ATP6V0A2: variants seen among roughly 807,000 people sequenced by gnomAD.
ATP6V0A2 encodes the protein V-type proton ATPase 116 kDa subunit a 2.
Under a neutral mutation model 104.4 loss-of-function variants are expected in ATP6V0A2, and 58 were observed. The observed-to-expected ratio is 0.56, with a 90% CI of 0.45 to 0.69. ATP6V0A2 has a LOEUF of 0.69. Ranked by LOEUF, ATP6V0A2 falls within the 30% of genes least tolerant of loss-of-function variation. The pLI is 0.00. For missense variants in ATP6V0A2, 938 were observed against 1,062.9 expected (o/e 0.88, Z 1.63); for synonymous variants, 376 against 397.9 (o/e 0.95, Z 0.65).
At chr12:123,738,741 A>G (rs1233314166) in intron 9 of ATP6V0A2, among the ~76,000 whole-genome samples, 1 of 152,218 alleles carries the variant, frequency 6.6e-6, no homozygotes, top group Admixed American at 6.5e-5. Flanking sequence ...TTTTTCTTCT[A>G]CATTAAACTC....
intron 1 of ATP6V0A2, 91 bp downstream of exon 1, chr12:123,712,773 A>G: frequency 2.7e-6 from 3 of 1,102,760 alleles, no homozygotes; most frequent in Non-Finnish European, 2.7e-6. Flanking sequence ...GGGAGCACCG[A>G]GGAAGGGCGC....
Position 123,728,507 on chromosome 12 carries a change from G to A in ATP6V0A2, c.648+598G>A, listed in dbSNP as rs1260882862. Among the ~76,000 whole-genome samples, 3 of 151,850 alleles carry A rather than the reference G, an allele frequency of 2.0e-5. No individual in the cohort carries two copies. The South Asian group carries it at 6.2e-4, about 32-fold the overall frequency. On this transcript the variant is annotated intron_variant, in intron 6 of 19. Coordinates refer to ENST00000330342, the MANE Select transcript of ATP6V0A2 (RefSeq NM_012463.4). The stretch of plus-strand genomic sequence containing the variant: ...TGCCTTGGCCTCCCAAAGTGTTGGG[G>A]TTACAGGCATGAGCCACTGTGCCAG...
chr12:123,754,525 C>T lies in ATP6V0A2; in HGVS notation c.2281C>T (p.Leu761=). The change falls in exon 18 of 20, where the codon CTG becomes TTG. Residue 761 remains leucine, a synonymous_variant. Transcript: ENST00000330342. ...ASYLRLWALS[L]AHAQLSDVLW... is the part of the protein sequence containing the mutation. ...CTACCTGAGGCTCTGGGCGCTTAGC[C>T]TGGCTCACGCACGTAAGTTCCTGCT... 7 of 1,613,826 alleles carry T rather than the reference C, an allele frequency of 4.3e-6. No homozygotes were observed. The highest frequency in any genetic ancestry group is 1.1e-5 in the South Asian group (1 of 91,074).
At chr12:123,718,583 AT>A (rs769264865) in intron 1 of ATP6V0A2, 39 bp from the exon 2 acceptor site, 41 of 1,462,672 alleles carry the variant, frequency 2.8e-5, no homozygotes, top group East Asian at 2.5e-4. Context: ...GTATTTTTAA[AT>A]TTTAGAAATT....
At position 123,748,472 on chromosome 12, in the gene ATP6V0A2, A is replaced by C. The variant is rs1956683426; in HGVS notation, c.1725-103A>C. ...GATTCATCATATGAGAAATGATGTTATTCTGAAATTCGCTTTATAGTTTAG... is the reference window on the plus strand; with the variant it reads ...GATTCATCATATGAGAAATGATGTTCTTCTGAAATTCGCTTTATAGTTTAG... On this transcript the variant is annotated intron_variant, in intron 14 of 19. Transcript: ENST00000330342. The C allele has an allele frequency of 1.3e-5, 11 of 863,340 alleles. No homozygotes were observed. The South Asian group carries it at 1.5e-4, about 12-fold the overall frequency. 53.5% of individuals were successfully genotyped at this position (863,340 alleles called of 1,614,324 possible).
Position 123,757,910 on chromosome 12 carries a change from G to GA in ATP6V0A2, c.2466-17_2466-16insA, listed in dbSNP as rs753080708. 40 of 1,299,940 alleles carry GA rather than the reference G, an allele frequency of 3.1e-5. No homozygotes were observed. The highest frequency in any genetic ancestry group is 4.3e-5 in the Non-Finnish European group (39 of 911,566). 80.5% of individuals were successfully genotyped at this position (1,299,940 alleles called of 1,614,324 possible). On this transcript the variant is annotated splice_polypyrimidine_tract_variant and intron_variant, in intron 19 of 19. Transcript: ENST00000330342. ...TTTCATAATCTTCCATTAATACATGGCTTTTTTTTTTTTTAGGGTAGAATT... is the reference window on the plus strand; with the variant it reads ...TTTCATAATCTTCCATTAATACATGGACTTTTTTTTTTTTTAGGGTAGAATT...
chr12:123,737,289 T>G lies in ATP6V0A2; in HGVS notation c.1038+18T>G. ...AGGGCTCGGTAAGGCTGCCTTCCTC[T>G]CCTCTGCCAGGAACAGAAGAGAGAC... On this transcript the variant is annotated intron_variant, in intron 9 of 19. Transcript: ENST00000330342. 6.2e-7 allele frequency: 1 copy of G among 1,612,416 alleles called. No individual in the cohort carries two copies. The highest frequency in any genetic ancestry group is 8.5e-7 in the Non-Finnish European group (1 of 1,178,644).
rs962515663 is a variant in ATP6V0A2, at chr12:123,761,619, C to T, written c.*3587C>T. 1 of 152,180 alleles carries T rather than the reference C, an allele frequency of 6.6e-6. No homozygotes were observed. The highest frequency in any genetic ancestry group is 2.4e-5 in the African/African-American group (1 of 41,430). 9.4% of individuals were successfully genotyped at this position (152,180 alleles called of 1,614,324 possible). A position where few individuals can be genotyped will look rare whatever the true frequency, so the allele number is the denominator to read the frequency against. ...GGTTAGCCTGAGTCATCTAGGGGCT[C>T]AACTCCTTGTGAGGGGAAATGACAG... On this transcript the variant is annotated 3_prime_UTR_variant, in exon 20 of 20. Coordinates refer to ENST00000330342, the MANE Select transcript of ATP6V0A2 (RefSeq NM_012463.4).
chr12:123,749,818 G>A (rs1009864144), intron 15 of ATP6V0A2, among the ~76,000 whole-genome samples: 1 of 152,182 alleles, frequency 6.6e-6, no homozygotes. Flanking sequence ...ATCAGAGCCT[G>A]TGTTCCTCCT....
intron 6 of ATP6V0A2, among the ~76,000 whole-genome samples, chr12:123,730,468 T>G (rs1956492002): frequency 6.6e-6 from 1 of 152,170 alleles, no homozygotes; most frequent in Admixed American, 6.5e-5. Context: ...TTTTTGGTTT[T>G]CTGAAATAAA....
intron 18 of ATP6V0A2, among the ~76,000 whole-genome samples, chr12:123,755,611 C>G (rs1271259821): frequency 3.4e-5 from 5 of 148,330 alleles, no homozygotes; most frequent in Non-Finnish European, 7.4e-5. Context: ...TGCTCTGCAT[C>G]AGGTCACCCA....
intron 5 of ATP6V0A2, among the ~76,000 whole-genome samples, chr12:123,726,716 G>A (rs554212638): frequency 1.5e-3 from 227 of 152,214 alleles, no homozygotes; most frequent in Middle Eastern, 6.8e-3. Context: ...TTCCTCGTGC[G>A]ATTTGTGATT....
intron 17 of ATP6V0A2, among the ~76,000 whole-genome samples, chr12:123,752,894 G>C (rs942006310): frequency 6.6e-6 from 1 of 152,174 alleles, no homozygotes; most frequent in African/African-American, 2.4e-5. Flanking sequence ...TGTGAAGTCA[G>C]TTGGCCCCAT....
chr12:123,743,241 C>T (rs888840711), intron 9 of ATP6V0A2, among the ~76,000 whole-genome samples: 4 of 152,202 alleles, frequency 2.6e-5, no homozygotes, highest in Non-Finnish European at 4.4e-5. Context: ...CCCCAAGTGC[C>T]GCCCTTGCCA....
chr12:123,742,081 G>A (rs1956614963), intron 9 of ATP6V0A2, among the ~76,000 whole-genome samples: 2 of 152,214 alleles, frequency 1.3e-5, no homozygotes, highest in South Asian at 2.1e-4. Flanking sequence ...CTCAACAGGG[G>A]AGGACCTGGC....
intron 13 of ATP6V0A2, among the ~76,000 whole-genome samples, chr12:123,745,541 C>G (rs189022880): frequency 6.6e-6 from 1 of 152,130 alleles, no homozygotes; most frequent in East Asian, 1.9e-4. Context: ...CCCATCTCTA[C>G]TAAAAATACA....
chr12:123,722,717 C>T, intron 3 of ATP6V0A2, among the ~76,000 whole-genome samples: 1 of 152,168 alleles, frequency 6.6e-6, no homozygotes, highest in South Asian at 2.1e-4. Flanking sequence ...CAACAAGAAT[C>T]AGGCCATCAA....
chr12:123,727,756 C>T (rs370564997), intron 5 of ATP6V0A2, 27 bp from the exon 6 acceptor site: 3 of 1,613,622 alleles, frequency 1.9e-6, no homozygotes, highest in Non-Finnish European at 8.5e-7. Context: ...TTTCAGTTGA[C>T]TACAGGTTGA....
At chr12:123,728,034 T>G in intron 6 of ATP6V0A2, 125 bp downstream of exon 6, 8 of 1,220,560 alleles carry the variant, frequency 6.6e-6, no homozygotes, top group Non-Finnish European at 9.4e-6. Flanking sequence ...GCCTTATCTC[T>G]TCAACCACGT....
Sources: gnomAD v4.1 joint callset for allele counts (sites outside exome capture counted in the v4.1 genomes callset) on GRCh38, gnomAD v4.1.1 for gene constraint, MANE v1.5 for transcripts, NCBI Gene and HGNC (gene_info 2026-07-23, HGNC 2026-07-21) for gene names.